The following ANKRD11 variants were observed in gnomAD, a reference collection of about 807,000 sequenced individuals.
The protein encoded by ANKRD11 is ankyrin repeat domain-containing protein 11.
In ANKRD11, 17 loss-of-function variants were observed where a neutral mutation model predicts 195.7. That is an observed-to-expected ratio of 0.09 (90% CI 0.06 to 0.13). The LOEUF (loss-of-function observed/expected upper bound fraction) is 0.13, where lower values mean the gene tolerates loss of function less well. Among genes scored for constraint, ANKRD11 ranks in the 10% least tolerant of loss-of-function variants. The probability of loss-of-function intolerance (pLI) is 1.00; values close to 1 mark genes in which losing one functional copy is unlikely to be tolerated. For synonymous variants in ANKRD11, 1,953 were observed against 1,528.1 expected, an observed-to-expected ratio of 1.28 and a Z score of -6.49; for missense variants, 3,735 against 3,566.1, an observed-to-expected ratio of 1.05 and a Z score of -1.21.
chr16:89,425,484 C>G (rs1443369323), intron 1 of ANKRD11, among the ~76,000 whole-genome samples: 1 of 152,188 alleles, frequency 6.6e-6, no homozygotes, highest in Non-Finnish European at 1.5e-5. Flanking sequence ...AAAAAAGACA[C>G]AGCCAATTGG....
At chr16:89,372,199 C>T (rs1023577513) in intron 2 of ANKRD11, among the ~76,000 whole-genome samples, 3 of 152,240 alleles carry the variant, frequency 2.0e-5, no homozygotes, top group African/African-American at 4.8e-5. Context: ...CGGCAGCGCA[C>T]GGCAAGATGG....
At chr16:89,319,139 T>C (rs1182489671) in intron 2 of ANKRD11, among the ~76,000 whole-genome samples, 1 of 152,198 alleles carries the variant, frequency 6.6e-6, no homozygotes, top group African/African-American at 2.4e-5. Context: ...CTTCACCATG[T>C]AGAGTCCACC....
At chr16:89,414,662 A>G (rs1175943671) in intron 2 of ANKRD11, among the ~76,000 whole-genome samples, 1 of 152,222 alleles carries the variant, frequency 6.6e-6, no homozygotes, top group Admixed American at 6.5e-5. Flanking sequence ...GGGAGGGGCC[A>G]GGGCCACAGA....
rs569158032 is a variant in ANKRD11, at chr16:89,326,555, A to G, written c.-59-9477T>C. Among the ~76,000 whole-genome samples, 17 of 152,260 alleles carry G rather than the reference A, an allele frequency of 1.1e-4. No individual in the cohort carries two copies. The South Asian group carries it at 3.3e-3, about 30-fold the overall frequency. ...GGCCCAAGAGTTTGAGACCCGGGCA[A>G]TGTAGGGAAACCTCATCTTTACAAA... On this transcript the variant is annotated intron_variant, in intron 2 of 12. Coordinates refer to ENST00000301030, the MANE Select transcript of ANKRD11 (RefSeq NM_013275.6).
At chr16:89,378,950 T>G (rs535947131) in intron 2 of ANKRD11, among the ~76,000 whole-genome samples, 2 of 152,224 alleles carry the variant, frequency 1.3e-5, no homozygotes, top group East Asian at 1.9e-4. Context: ...TTTCCAAGGC[T>G]GAAGACCTTT....
At chr16:89,415,792 C>T (rs2152223435) in intron 2 of ANKRD11, among the ~76,000 whole-genome samples, 1 of 129,796 alleles carries the variant, frequency 7.7e-6, no homozygotes, top group Non-Finnish European at 1.6e-5. Context: ...TGCACCACTA[C>T]ACTCCAGGCC....
At chr16:89,298,521 G>A (rs1230121052) in intron 4 of ANKRD11, among the ~76,000 whole-genome samples, 1 of 152,228 alleles carries the variant, frequency 6.6e-6, no homozygotes, top group East Asian at 1.9e-4. Flanking sequence ...GGAGCCAGGA[G>A]GTAGCAGACG....
intron 2 of ANKRD11, among the ~76,000 whole-genome samples, chr16:89,375,095 G>A (rs1391338386): frequency 1.3e-5 from 2 of 151,950 alleles, no homozygotes; most frequent in African/African-American, 2.4e-5. Context: ...CAAACGTAAC[G>A]TCGCAGGCTC....
At chr16:89,379,812 G>C (rs551944395) in intron 2 of ANKRD11, among the ~76,000 whole-genome samples, 6 of 152,162 alleles carry the variant, frequency 3.9e-5, no homozygotes, top group Non-Finnish European at 8.8e-5. Flanking sequence ...TTAACATTCT[G>C]TTCAGCAAGA....
At chr16:89,459,803 C>T (rs568441940) in intron 1 of ANKRD11, among the ~76,000 whole-genome samples, 7 of 151,856 alleles carry the variant, frequency 4.6e-5, no homozygotes, top group Non-Finnish European at 1.0e-4. Context: ...GCATGGTGGT[C>T]GTGCCTGCAG....
intron 2 of ANKRD11, among the ~76,000 whole-genome samples, chr16:89,401,047 G>A (rs1449613355): frequency 6.6e-6 from 1 of 152,184 alleles, no homozygotes; most frequent in Non-Finnish European, 1.5e-5. Context: ...ACAACACGCT[G>A]GCCCTCAAGT....
chr16:89,372,216 A>G (rs2040223708), intron 2 of ANKRD11, among the ~76,000 whole-genome samples: 1 of 152,236 alleles, frequency 6.6e-6, no homozygotes, highest in Non-Finnish European at 1.5e-5. Flanking sequence ...ATGGATCCTG[A>G]CACTCAGAGC....
At chr16:89,365,193 A>C (rs960744701) in intron 2 of ANKRD11, among the ~76,000 whole-genome samples, 3 of 152,146 alleles carry the variant, frequency 2.0e-5, no homozygotes, top group African/African-American at 7.2e-5. Flanking sequence ...AGTGATGACT[A>C]TCTTGTTGGC....
rs745381571 is a variant in ANKRD11 at position 89,374,769 on chromosome 16, G to A, written c.-60+43515C>T. Among the ~76,000 whole-genome samples the A allele has an allele frequency of 1.1e-4, 17 of 152,208 alleles. 1 individual carries two copies. The South Asian group carries it at 1.2e-3, about 11-fold the overall frequency. ...CCAGCTGAAGAACTCCATGATGAAC[G>A]TGGACACACACGTGTGCACAGAGCT... is the stretch of plus-strand genomic sequence containing the variant. On this transcript the variant is annotated intron_variant, in intron 2 of 12. Transcript: ENST00000301030.
At chr16:89,275,029 C>A (rs1368338148) in intron 10 of ANKRD11, 64 bp downstream of exon 10, 2 of 1,612,894 alleles carry the variant, frequency 1.2e-6, no homozygotes, top group Middle Eastern at 1.6e-4. Flanking sequence ...CACGACAGCC[C>A]CTGGGGCCTG....
At chr16:89,352,096 G>A (rs1399515439) in intron 2 of ANKRD11, among the ~76,000 whole-genome samples, 2 of 151,362 alleles carry the variant, frequency 1.3e-5, no homozygotes, top group Non-Finnish European at 2.9e-5. Context: ...TCAACATGTT[G>A]GTCAGATTGG....
At chr16:89,328,627 C>A (rs2037868475) in intron 2 of ANKRD11, among the ~76,000 whole-genome samples, 1 of 149,552 alleles carries the variant, frequency 6.7e-6, no homozygotes, top group Admixed American at 6.6e-5. Flanking sequence ...AGTGAGTGGA[C>A]ACACCCAGGA....
At chr16:89,338,726 CAAAAAAAA>C (rs34799616) in intron 2 of ANKRD11, among the ~76,000 whole-genome samples, 4 of 43,812 alleles carry the variant, frequency 9.1e-5, no homozygotes, top group Admixed American at 5.8e-4. Flanking sequence ...CACTCAGTCT[CAAAAAAAA>C]AAAAAAAAAA....
Position 89,268,394 on chromosome 16 carries a change from G to C in ANKRD11, c.*84C>G, listed in dbSNP as rs1259852072. 6 of 633,408 alleles carry C rather than the reference G, an allele frequency of 9.5e-6. No individual in the cohort carries two copies. The highest frequency in any genetic ancestry group is 1.6e-5 in the Non-Finnish European group (6 of 373,196). 39.2% of individuals were successfully genotyped at this position (633,408 alleles called of 1,614,324 possible). A position where few individuals can be genotyped will look rare whatever the true frequency, so the allele number is the denominator to read the frequency against. On this transcript the variant is annotated 3_prime_UTR_variant, in exon 13 of 13. Coordinates refer to ENST00000301030, the MANE Select transcript of ANKRD11 (RefSeq NM_013275.6). ...CTCTCCCCGCCCGGGTGGACAGGGC[G>C]CTCCCTCCTCCGCCCCTGGGGCTCA...
Sources: gnomAD v4.1 joint callset for allele counts (sites outside exome capture counted in the v4.1 genomes callset) on GRCh38, gnomAD v4.1.1 for gene constraint, MANE v1.5 for transcripts, NCBI Gene and HGNC (gene_info 2026-07-23, HGNC 2026-07-21) for gene names.